The following MED27 variants were observed in gnomAD, a reference collection of about 807,000 sequenced individuals.
MED27 encodes mediator complex subunit 27.
Under a neutral mutation model 38.2 loss-of-function variants are expected in MED27, and 30 were observed. That is an observed-to-expected ratio of 0.79 (90% CI 0.59 to 1.07). The LOEUF is 1.07. MED27 is among the 50% of genes least tolerant of loss of function. MED27 has a pLI of 0.00. For synonymous variants in MED27, 122 were observed against 153.5 expected, an observed-to-expected ratio of 0.79 and a Z score of 1.52; for missense variants, 289 against 397.5, an observed-to-expected ratio of 0.73 and a Z score of 2.32.
chr9:132,010,721 T>A (rs1476287138), intron 3 of MED27, among the ~76,000 whole-genome samples: 1 of 152,220 alleles, frequency 6.6e-6, no homozygotes, highest in Non-Finnish European at 1.5e-5. Context: ...GATGAGTTCA[T>A]GTCCTTTGTA....
In MED27 at chr9:131,907,870, GC is replaced by G. The variant is rs575818628; in HGVS notation, c.574-13879del. Among the ~76,000 whole-genome samples, 778 of 137,560 alleles carry G rather than the reference GC, an allele frequency of 5.7e-3. 4 individuals are homozygous for G. Among genetic ancestry groups the G allele is most frequent in the African/African-American group, 0.02 (731 of 35,668 alleles). The allele number at this position is 137,560 out of a possible 152,430, so 90.2% of individuals were successfully genotyped here. On this transcript the variant is annotated intron_variant, in intron 4 of 7. Transcript: ENST00000292035. ...ATGTGGGGAGCGCCTCTGCCCCGCC[GC>G]CCCGTCTGGGATGTGAGGAGCGCCT...
At position 131,913,465 on chromosome 9, in the gene MED27, T is replaced by A. The variant is rs927397630; in HGVS notation, c.574-19473A>T. On this transcript the variant is annotated intron_variant, in intron 4 of 7. Coordinates refer to ENST00000292035, the MANE Select transcript of MED27 (RefSeq NM_004269.4). The surrounding 1 kb of genome is among the most constrained non-coding windows in gnomAD (Gnocchi z 4.5). ...ATAATCATAAGCATATAGTAAGGGG[T>A]CAAATAGAGTCCTGAGCACACAGTA... Among the ~76,000 whole-genome samples the A allele has an allele frequency of 4.6e-5, 7 of 151,890 alleles. No homozygotes were observed. The highest frequency in any genetic ancestry group is 1.0e-4 in the Non-Finnish European group (7 of 67,986).
At chr9:131,999,070 C>T (rs1166775445) in intron 3 of MED27, among the ~76,000 whole-genome samples, 1 of 152,164 alleles carries the variant, frequency 6.6e-6, no homozygotes, top group African/African-American at 2.4e-5. Context: ...ACCTTTGGAA[C>T]ACTGTGATGC....
At chr9:131,926,257 CAGTG>C in intron 4 of MED27, among the ~76,000 whole-genome samples, 1 of 152,340 alleles carries the variant, frequency 6.6e-6, no homozygotes, top group South Asian at 2.1e-4. Flanking sequence ...TCCAGGGGCT[CAGTG>C]AGTATTTACT....
Position 132,003,045 on chromosome 9 carries a change from G to A in MED27, c.479+11292C>T, listed in dbSNP as rs1424684648. On this transcript the variant is annotated intron_variant, in intron 3 of 7. Coordinates refer to ENST00000292035, the MANE Select transcript of MED27 (RefSeq NM_004269.4). The surrounding 1 kb of genome is among the most constrained non-coding windows in gnomAD (Gnocchi z 4.2). ...AGCATTAGTTGGGGGACAGCATGGT[G>A]TGAAGTATTAACAATCCTGAAGCTC... Among the ~76,000 whole-genome samples the A allele has an allele frequency of 2.0e-5, 3 of 152,072 alleles. No individual in the cohort carries two copies. The highest frequency in any genetic ancestry group is 4.4e-5 in the Non-Finnish European group (3 of 68,020).
intron 4 of MED27, among the ~76,000 whole-genome samples, chr9:131,938,552 C>T (rs570941106): frequency 2.6e-5 from 4 of 152,236 alleles, no homozygotes; most frequent in East Asian, 3.9e-4. Context: ...CACCTGTCTT[C>T]GGTGAATTCA....
intron 6 of MED27, 41 bp from the exon 7 acceptor site, chr9:131,863,181 G>C: frequency 6.4e-7 from 1 of 1,565,882 alleles, no homozygotes; most frequent in Non-Finnish European, 8.8e-7. Flanking sequence ...GCCACTCCAA[G>C]CTGGCATAGA....
intron 6 of MED27, among the ~76,000 whole-genome samples, chr9:131,873,951 T>G (rs1838879137): frequency 6.6e-6 from 1 of 152,222 alleles, no homozygotes; most frequent in African/African-American, 2.4e-5. Flanking sequence ...CCCAACTCCC[T>G]GGACCCTTGA....
intron 4 of MED27, among the ~76,000 whole-genome samples, chr9:131,920,360 C>T (rs913354670): frequency 1.9e-4 from 29 of 152,192 alleles, no homozygotes; most frequent in Admixed American, 1.8e-3. Context: ...CCTAATTGCT[C>T]ATCTCAGTAT....
At chr9:131,956,743 TATTAA>T in intron 3 of MED27, among the ~76,000 whole-genome samples, 1 of 151,524 alleles carries the variant, frequency 6.6e-6, no homozygotes, top group Non-Finnish European at 1.5e-5. Context: ...TAACTTACCA[TATTAA>T]AATAAAGGAA....
At chr9:132,045,456 A>G (rs1260419934) in intron 2 of MED27, among the ~76,000 whole-genome samples, 1 of 142,636 alleles carries the variant, frequency 7.0e-6, no homozygotes, top group Non-Finnish European at 1.5e-5. Flanking sequence ...ACACACACAG[A>G]CACACACCTT....
intron 3 of MED27, among the ~76,000 whole-genome samples, chr9:131,961,221 C>G (rs563039363): frequency 6.6e-6 from 1 of 152,298 alleles, no homozygotes; most frequent in Admixed American, 6.5e-5. Context: ...CCATCACATG[C>G]CCGTAAAAAT....
chr9:131,869,351 T>C, intron 6 of MED27: 3 of 985,216 alleles, frequency 3.0e-6, no homozygotes, highest in Non-Finnish European at 2.4e-6. Context: ...AAGTTGTTTT[T>C]TTGCTCAGCA....
chr9:132,055,151 G>A (rs1030811024), intron 2 of MED27, among the ~76,000 whole-genome samples: 1 of 152,190 alleles, frequency 6.6e-6, no homozygotes, highest in Non-Finnish European at 1.5e-5. Context: ...GGGCCCTCAA[G>A]AAGCATTTCC....
intron 4 of MED27, among the ~76,000 whole-genome samples, chr9:131,907,139 G>A (rs1830079422): frequency 6.6e-6 from 1 of 152,142 alleles, no homozygotes; most frequent in Non-Finnish European, 1.5e-5. Context: ...CAAGGTGTTT[G>A]TGACCTGTAC....
intron 2 of MED27, among the ~76,000 whole-genome samples, chr9:132,020,024 T>C (rs1832685808): frequency 6.6e-6 from 1 of 152,204 alleles, no homozygotes. Flanking sequence ...AGTTTTAATA[T>C]TCACAGTTAA....
chr9:131,915,134 C>T (rs1037988035), intron 4 of MED27, among the ~76,000 whole-genome samples: 10 of 152,034 alleles, frequency 6.6e-5, no homozygotes, highest in Non-Finnish European at 1.3e-4. Flanking sequence ...TAGGAGTAGA[C>T]AGAGAGGGGA....
chr9:131,947,169 A>G (rs577862634), intron 3 of MED27, among the ~76,000 whole-genome samples: 1 of 152,174 alleles, frequency 6.6e-6, no homozygotes, highest in Non-Finnish European at 1.5e-5. Context: ...TTATAAAACA[A>G]CTACAATACA....
intron 4 of MED27, among the ~76,000 whole-genome samples, chr9:131,908,505 G>A (rs1830123671): frequency 6.6e-6 from 1 of 152,140 alleles, no homozygotes; most frequent in Non-Finnish European, 1.5e-5. Flanking sequence ...AGTAGACATG[G>A]GAGACTTTTC....
Sources: allele counts gnomAD v4.1 joint callset (sites outside exome capture counted in the v4.1 genomes callset), GRCh38; gene constraint gnomAD v4.1.1; non-coding constraint Gnocchi (gnomAD v3.1); transcripts MANE v1.5; gene names NCBI Gene and HGNC (gene_info 2026-07-23, HGNC 2026-07-21).